The following PITPNM3 variants were observed in gnomAD, a reference collection of about 807,000 sequenced individuals.
The protein encoded by PITPNM3 is PITPNM family member 3, also known as membrane-associated phosphatidylinositol transfer protein 3.
In PITPNM3, 26 loss-of-function variants were observed where a neutral mutation model predicts 102.0. The observed-to-expected ratio is 0.25, with a 90% CI of 0.19 to 0.35. PITPNM3 has a LOEUF of 0.35. PITPNM3 is among the 10% of genes least tolerant of loss of function. The probability of loss-of-function intolerance (pLI) is 1.00; values close to 1 mark genes in which losing one functional copy is unlikely to be tolerated. For missense variants in PITPNM3, 1,083 were observed against 1,346.1 expected, an observed-to-expected ratio of 0.80 and a Z score of 3.06; for synonymous variants, 578 against 558.6, an observed-to-expected ratio of 1.03 and a Z score of -0.49.
chr17:6,536,068 A>G lies in PITPNM3; in HGVS notation c.118+1919T>C, dbSNP rs370251306. On this transcript the variant is annotated intron_variant, in intron 2 of 19. Transcript: ENST00000262483. ...TACAAAGCGAGACTCCATCTCAAAA[A>G]AAAAAGGAAAAAAAAAGAAAAAAAA... Among the ~76,000 whole-genome samples, 34 of 151,814 alleles carry G rather than the reference A, an allele frequency of 2.2e-4. No homozygotes were observed. In the East Asian group the frequency reaches 5.2e-3, roughly 23 times the overall value.
intron 18 of PITPNM3, 140 bp downstream of exon 18, chr17:6,461,233 G>GGGCC: frequency 1.9e-6 from 2 of 1,040,020 alleles, no homozygotes; most frequent in South Asian, 2.7e-5. Flanking sequence ...GGCTGCTAGA[G>GGGCC]GGCCCATCCA....
chr17:6,533,268 A>C (rs1909239232), intron 2 of PITPNM3, among the ~76,000 whole-genome samples: 1 of 152,030 alleles, frequency 6.6e-6, no homozygotes, highest in Non-Finnish European at 1.5e-5. Flanking sequence ...GGCCCCTGGT[A>C]AGTTATTTTA....
At chr17:6,529,288 C>A (rs1909010621) in intron 2 of PITPNM3, among the ~76,000 whole-genome samples, 2 of 152,134 alleles carry the variant, frequency 1.3e-5, no homozygotes, top group South Asian at 4.1e-4. Context: ...TGACAGGACT[C>A]CAGAGTAAAG....
intron 4 of PITPNM3, among the ~76,000 whole-genome samples, chr17:6,497,478 T>C (rs1181503443): frequency 6.6e-6 from 1 of 152,144 alleles, no homozygotes; most frequent in Non-Finnish European, 1.5e-5. Flanking sequence ...GGGGCTCAGT[T>C]GGTGGCTAGG....
chr17:6,506,626 T>C (rs1393786744), intron 3 of PITPNM3, among the ~76,000 whole-genome samples: 1 of 152,200 alleles, frequency 6.6e-6, no homozygotes, highest in African/African-American at 2.4e-5. Context: ...CACCTCGGCC[T>C]CCCAAAGGGC....
chr17:6,535,860 C>T (rs1597410260), intron 2 of PITPNM3, among the ~76,000 whole-genome samples: 1 of 151,856 alleles, frequency 6.6e-6, no homozygotes, highest in African/African-American at 2.4e-5. Flanking sequence ...GAGTTTGAGA[C>T]CAGCCTGGCC....
Position 6,472,666 on chromosome 17 carries a change from G to C in PITPNM3, c.1420C>G (p.Leu474Val). The C allele has an allele frequency of 6.2e-7, 1 of 1,612,998 alleles. No individual in the cohort carries two copies. The highest frequency in any genetic ancestry group is 8.5e-7 in the Non-Finnish European group (1 of 1,179,810). The change falls in exon 11 of 20, where the codon CTC becomes GTC. Residue 474 changes from leucine (L) to valine (V), a missense_variant. Physicochemically the swap from Leu to Val is conservative, Grantham distance 32 (BLOSUM62 1). Around this residue, in one of 5 missense-constraint regions of PITPNM3, gnomAD observed 410 missense variants for 638.4 expected, o/e 0.64. Coordinates refer to ENST00000262483, the MANE Select transcript of PITPNM3 (RefSeq NM_031220.4). The surrounding 1 kb of genome is among the most constrained non-coding windows in gnomAD (Gnocchi z 4.1). ...QRFPLGDGQSLLLADALHTHS... is the reference protein window; with the variant it reads ...QRFPLGDGQSVLLADALHTHS... ...ACCCCCAAGAACCTACCGAGGAGGA[G>C]GGACTGCCCATCGCCCAGTGGGAAC...
intron 17 of PITPNM3, 81 bp from the exon 18 acceptor site, chr17:6,461,637 G>C (rs953426989): frequency 1.3e-6 from 2 of 1,501,114 alleles, no homozygotes; most frequent in Admixed American, 3.3e-5. Context: ...GCCCGCAGCT[G>C]CCCTCCTGAG....
intron 4 of PITPNM3, among the ~76,000 whole-genome samples, chr17:6,491,105 G>A (rs1186989153): frequency 1.9e-5 from 2 of 105,726 alleles, no homozygotes; most frequent in African/African-American, 7.1e-5. Flanking sequence ...GGGAGGGGAG[G>A]GGAGGGGAGG....
chr17:6,547,089 C>T lies in PITPNM3; in HGVS notation c.23-9007G>A, dbSNP rs147995209. ...CAGCCTCTGCTGCCTGTCGTCTTCACGATAGCCCAGGGAGGTCAGTAAGAA... is the reference window on the plus strand; with the variant it reads ...CAGCCTCTGCTGCCTGTCGTCTTCATGATAGCCCAGGGAGGTCAGTAAGAA... On this transcript the variant is annotated intron_variant, in intron 1 of 19. Transcript: ENST00000262483. 6.0e-3 allele frequency among the ~76,000 whole-genome samples: 906 copies of T among 152,158 alleles called. 2 individuals are homozygous for T. The highest frequency in any genetic ancestry group is 8.2e-3 in the Non-Finnish European group (560 of 68,014).
Position 6,556,024 on chromosome 17 carries a change from G to T in PITPNM3, c.22+361C>A, listed in dbSNP as rs1910585252. Among the ~76,000 whole-genome samples the T allele has an allele frequency of 6.6e-6, 1 of 152,180 alleles. No homozygotes were observed. Among genetic ancestry groups the T allele is most frequent in the Non-Finnish European group, 1.5e-5 (1 of 68,020 alleles). On this transcript the variant is annotated intron_variant, in intron 1 of 19. Coordinates refer to ENST00000262483, the MANE Select transcript of PITPNM3 (RefSeq NM_031220.4). The surrounding 1 kb of genome is among the most constrained non-coding windows in gnomAD (Gnocchi z 5.2). ...GGTTTGCGTTGGGGTGTGGGACGAAGCGGCGGCCGCGGGACATCCCCTTCG... is the reference window on the plus strand; with the variant it reads ...GGTTTGCGTTGGGGTGTGGGACGAATCGGCGGCCGCGGGACATCCCCTTCG...
chr17:6,554,888 T>C (rs1910517836), intron 1 of PITPNM3, among the ~76,000 whole-genome samples: 1 of 152,190 alleles, frequency 6.6e-6, no homozygotes, highest in African/African-American at 2.4e-5. Flanking sequence ...CTCTGCCTAA[T>C]ACATAGAACA....
At chr17:6,495,001 C>A (rs1438309925) in intron 4 of PITPNM3, among the ~76,000 whole-genome samples, 2 of 151,990 alleles carry the variant, frequency 1.3e-5, no homozygotes, top group Non-Finnish European at 2.9e-5. Flanking sequence ...GTATCAACAT[C>A]TGAGAAAAGC....
At chr17:6,510,515 C>T (rs957023313) in intron 3 of PITPNM3, among the ~76,000 whole-genome samples, 4 of 152,232 alleles carry the variant, frequency 2.6e-5, no homozygotes, top group African/African-American at 7.2e-5. Context: ...TGTCACTGCC[C>T]CACCCCCGTC....
At chr17:6,508,328 C>G (rs114500735) in intron 3 of PITPNM3, among the ~76,000 whole-genome samples, 1 of 152,196 alleles carries the variant, frequency 6.6e-6, no homozygotes, top group South Asian at 2.1e-4. Context: ...AGTGCTTTCC[C>G]GCACATGAAA....
Position 6,538,028 on chromosome 17 carries a change from T to C in PITPNM3, c.77A>G (p.Asp26Gly), listed in dbSNP as rs548894243. 53 of 1,613,724 alleles carry C rather than the reference T, an allele frequency of 3.3e-5. No homozygotes were observed. Among genetic ancestry groups the C allele is most frequent in the Non-Finnish European group, 4.2e-5 (49 of 1,179,798 alleles). Residue 26 changes from aspartate to glycine, a missense_variant, in exon 2 of 20, where the codon GAC (aspartate) becomes GGC (glycine). Transcript: ENST00000262483. The part of the protein sequence containing the change: ...APWHLRNVLS[D>G]SVESSDDEFF... Reference sequence around the variant, plus strand: ...TTCATCATCTGAGCTCTCCACAGAGTCACTGAGGACATTTCGAAGGTGCCA... The same window carrying C: ...TTCATCATCTGAGCTCTCCACAGAGCCACTGAGGACATTTCGAAGGTGCCA...
chr17:6,455,340 A>G lies in PITPNM3; in HGVS notation c.2923T>C (p.Ter975ArgextTer59). 1 of 1,574,932 alleles carries G rather than the reference A, an allele frequency of 6.3e-7. No homozygotes were observed. The highest frequency in any genetic ancestry group is 8.6e-7 in the Non-Finnish European group (1 of 1,162,502). ...CTGCTCTGAGCACAGCCCACCCCTCAGGGCACCGACTCGAACTTGGGGGGC... is the reference window on the plus strand; with the variant it reads ...CTGCTCTGAGCACAGCCCACCCCTCGGGGCACCGACTCGAACTTGGGGGGC... ...RGPPKFESVP[*>R] Residue 975 changes from the stop codon to arginine (R), a stop_lost, in exon 20 of 20, where the codon TGA becomes CGA. Coordinates refer to ENST00000262483, the MANE Select transcript of PITPNM3 (RefSeq NM_031220.4).
At chr17:6,489,986 G>C (rs1056791646) in intron 4 of PITPNM3, among the ~76,000 whole-genome samples, 8 of 151,560 alleles carry the variant, frequency 5.3e-5, no homozygotes, top group Non-Finnish European at 1.2e-4. Flanking sequence ...CCTGGCGACA[G>C]ACAGAGCGAG....
In PITPNM3 at chr17:6,469,814, C is replaced by T. The variant is rs148368966; in HGVS notation, c.1773+446G>A. On this transcript the variant is annotated intron_variant, in intron 13 of 19. Transcript: ENST00000262483. This position sits in a 1 kb window ranked among gnomAD's most constrained non-coding sequence, Gnocchi z 4.0. ...TTGAACCCAATATAAAACCATACCCCTGACCTTGGCCATCACGGCTGTTCA... is the reference window on the plus strand; with the variant it reads ...TTGAACCCAATATAAAACCATACCCTTGACCTTGGCCATCACGGCTGTTCA... 4.0e-3 allele frequency among the ~76,000 whole-genome samples: 606 copies of T among 152,342 alleles called. 5 individuals carry two copies. The highest frequency in any genetic ancestry group is 0.013 in the African/African-American group (553 of 41,568).
Sources: allele counts gnomAD v4.1 joint callset (sites outside exome capture counted in the v4.1 genomes callset), GRCh38; gene constraint gnomAD v4.1.1; regional missense constraint gnomAD v4.1.1; non-coding constraint Gnocchi (gnomAD v3.1); transcripts MANE v1.5; gene names NCBI Gene and HGNC (gene_info 2026-07-23, HGNC 2026-07-21).